Variants in RLN2 observed in about 807,000 individuals in gnomAD.
RLN2 encodes prorelaxin H2.
In RLN2, 10 loss-of-function variants were observed where a neutral mutation model predicts 7.3. That is an observed-to-expected ratio of 1.36 (90% CI 0.84 to 2.31). RLN2 has a LOEUF of 2.31. Among genes scored for constraint, RLN2 ranks in the 30% most tolerant of loss-of-function variants. The pLI is 0.00. For missense variants in RLN2, 298 were observed against 217.6 expected (o/e 1.37, Z -2.32); for synonymous variants, 103 against 82.3 (o/e 1.25, Z -1.36).
At chr9:5,311,399 T>C in the RLN2 span, 1 of 500,358 alleles carries the variant, frequency 2.0e-6, no homozygotes, top group African/African-American at 2.0e-5. Context: ...ATTGGACACA[T>C]TCTTAATACA....
the RLN2 span, among the ~76,000 whole-genome samples, chr9:5,329,301 C>A: frequency 1.6e-5 from 2 of 123,466 alleles, no homozygotes; most frequent in Admixed American, 8.1e-5. Context: ...CAGAGCGAGA[C>A]TCCATCTCAA....
chr9:5,335,012 A>G, the RLN2 span: 5 of 384,734 alleles, frequency 1.3e-5, no homozygotes, highest in Non-Finnish European at 2.3e-5. Context: ...AACAGCATTA[A>G]AAAGAATCAA....
chr9:5,324,002 A>T, the RLN2 span, among the ~76,000 whole-genome samples: 20 of 152,082 alleles, frequency 1.3e-4, no homozygotes, highest in African/African-American at 4.1e-4. Context: ...AGCCAAGATC[A>T]CACCACTGCA....
rs1466249435 is a variant in RLN2, at chr9:5,300,409, T to A, written c.247A>T (p.Thr83Ser). The A allele has an allele frequency of 1.2e-6, 2 of 1,608,574 alleles. No individual in the cohort carries two copies. The highest frequency in any genetic ancestry group is 2.7e-5 in the African/African-American group (2 of 74,550). ...ACAAATTCTGACATCATATTTATGG[T>A]TTCTGTATCTTTGTTGATGAAGGAT... ...VPSFINKDTE[T>S]INMMSEFVAN... Residue 83 changes from threonine (T) to serine (S), a missense_variant, in exon 2 of 2, where the codon ACC becomes TCC. Coordinates refer to ENST00000381627, the MANE Select transcript of RLN2 (RefSeq NM_134441.3).
the RLN2 span, chr9:5,311,802 GA>G: frequency 1.5e-4 from 99 of 674,340 alleles, no homozygotes; most frequent in Admixed American, 2.4e-4. Context: ...TAAAAATGCA[GA>G]ATTTTTTTTT....
chr9:5,309,159 A>C (rs1254473917), upstream of RLN2, among the ~76,000 whole-genome samples: 1 of 152,056 alleles, frequency 6.6e-6, no homozygotes, highest in Admixed American at 6.6e-5. Flanking sequence ...CAACTACTAC[A>C]ACATATCTCC....
chr9:5,322,231 C>T, the RLN2 span, among the ~76,000 whole-genome samples: 4 of 151,946 alleles, frequency 2.6e-5, no homozygotes, highest in Admixed American at 2.6e-4. Flanking sequence ...TGCACCCTTA[C>T]CACTCAGCAA....
chr9:5,329,286 G>A, the RLN2 span, among the ~76,000 whole-genome samples: 3 of 136,884 alleles, frequency 2.2e-5, no homozygotes, highest in Non-Finnish European at 4.6e-5. Context: ...GTCCGGCCTG[G>A]GCGACAGAGC....
chr9:5,316,591 A>G, the RLN2 span, among the ~76,000 whole-genome samples: 10 of 151,864 alleles, frequency 6.6e-5, no homozygotes, highest in East Asian at 5.8e-4. Context: ...ATGGTTTCCA[A>G]CTTCATCCAT....
chr9:5,331,885 T>C, the RLN2 span, among the ~76,000 whole-genome samples: 8 of 152,050 alleles, frequency 5.3e-5, no homozygotes, highest in Non-Finnish European at 1.0e-4. Context: ...TTGCAGTATC[T>C]ATTAATATGA....
At position 5,300,081 on chromosome 9, in the gene RLN2, G is replaced by A. The variant is rs764193468; in HGVS notation, c.*17C>T. 2.7e-6 allele frequency: 4 copies of A among 1,468,664 alleles called. No homozygotes were observed. Among genetic ancestry groups the A allele is most frequent in the South Asian group, 2.4e-5 (2 of 81,900 alleles). The allele number at this position is 1,468,664 out of a possible 1,614,324, so 91.0% of individuals were successfully genotyped here. On this transcript the variant is annotated 3_prime_UTR_variant, in exon 2 of 2. Transcript: ENST00000381627. ...TATGTGTGAATATTATACGAGATGTGCACAATTAGCTTCATCTCAGCAAAA... is the reference window on the plus strand; with the variant it reads ...TATGTGTGAATATTATACGAGATGTACACAATTAGCTTCATCTCAGCAAAA...
chr9:5,332,647 T>C, the RLN2 span, among the ~76,000 whole-genome samples: 1 of 151,186 alleles, frequency 6.6e-6, no homozygotes, highest in East Asian at 1.9e-4. Flanking sequence ...TGTGATACAG[T>C]GTTTCACTCT....
chr9:5,316,052 T>C, the RLN2 span, among the ~76,000 whole-genome samples: 2 of 152,000 alleles, frequency 1.3e-5, no homozygotes, highest in Admixed American at 6.6e-5. Flanking sequence ...AAATCCAAAA[T>C]ACTCTAATAT....
the RLN2 span, among the ~76,000 whole-genome samples, chr9:5,336,254 T>A: frequency 6.6e-6 from 1 of 152,084 alleles, no homozygotes; most frequent in Non-Finnish European, 1.5e-5. Context: ...GGTTAAAAGA[T>A]CACTAACCAA....
chr9:5,313,848 G>A, the RLN2 span, among the ~76,000 whole-genome samples: 1 of 151,958 alleles, frequency 6.6e-6, no homozygotes, highest in African/African-American at 2.4e-5. Context: ...TACATTAAAG[G>A]TGTATTAGAA....
chr9:5,323,924 T>C, the RLN2 span, among the ~76,000 whole-genome samples: 1 of 151,850 alleles, frequency 6.6e-6, no homozygotes, highest in Non-Finnish European at 1.5e-5. Flanking sequence ...GATATGTGCC[T>C]GTAGTCCCAG....
At chr9:5,307,276 GATA>G (rs771717658), upstream of RLN2, among the ~76,000 whole-genome samples, 2 of 38,786 alleles carry the variant, frequency 5.2e-5, no homozygotes, top group African/African-American at 8.6e-5. Context: ...ATAGAGGATA[GATA>G]GATAGATAGA....
Position 5,300,407 on chromosome 9 carries a change from G to A in RLN2, c.249C>T (p.Thr83=). 1 of 1,609,858 alleles carries A rather than the reference G, an allele frequency of 6.2e-7. No homozygotes were observed. The highest frequency in any genetic ancestry group is 8.5e-7 in the Non-Finnish European group (1 of 1,178,724). Residue 83 remains threonine, a synonymous_variant, in exon 2 of 2, where the codon ACC becomes ACT. Transcript: ENST00000381627. The stretch of plus-strand genomic sequence containing the variant: ...CAACAAATTCTGACATCATATTTAT[G>A]GTTTCTGTATCTTTGTTGATGAAGG... The part of the protein sequence containing the change: ...VPSFINKDTE[T]INMMSEFVAN...
upstream of RLN2, among the ~76,000 whole-genome samples, chr9:5,308,980 G>A (rs989894883): frequency 6.6e-6 from 1 of 152,086 alleles, no homozygotes; most frequent in African/African-American, 2.4e-5. Flanking sequence ...ACGTGGCCCT[G>A]CATGGCATTT....
Sources: gnomAD v4.1 joint callset for allele counts (sites outside exome capture counted in the v4.1 genomes callset) on GRCh38, gnomAD v4.1.1 for gene constraint, MANE v1.5 for transcripts, NCBI Gene and HGNC (gene_info 2026-07-23, HGNC 2026-07-21) for gene names.